LRRC37A3: variants seen among roughly 807,000 people sequenced by gnomAD.
The protein encoded by LRRC37A3 is leucine-rich repeat-containing protein 37A3.
In LRRC37A3, 25 loss-of-function variants were observed where a neutral mutation model predicts 106.2. That is an observed-to-expected ratio of 0.24 (90% CI 0.17 to 0.33). The LOEUF (loss-of-function observed/expected upper bound fraction) is 0.33. Ranked by LOEUF, LRRC37A3 falls within the 10% of genes least tolerant of loss-of-function variation. The pLI, the probability that LRRC37A3 is intolerant of heterozygous loss-of-function variation, is 1.00. For synonymous variants in LRRC37A3, 305 were observed against 635.8 expected (o/e 0.48, Z 7.83); for missense variants, 712 against 1,644.9 (o/e 0.43, Z 9.81).
chr17:64,882,794 T>C (rs1310136251), intron 8 of LRRC37A3, among the ~76,000 whole-genome samples: 5 of 152,190 alleles, frequency 3.3e-5, no homozygotes, highest in Non-Finnish European at 7.3e-5. Flanking sequence ...CTCTTATTCT[T>C]AGTGCTTACA....
At chr17:64,905,030 AATTT>A (rs1170738451) in intron 2 of LRRC37A3, among the ~76,000 whole-genome samples, 356 of 150,960 alleles carry the variant, frequency 2.4e-3, no homozygotes, top group African/African-American at 8.5e-3. Flanking sequence ...TTAATAAATC[AATTT>A]ATTAAATAAA....
intron 2 of LRRC37A3, among the ~76,000 whole-genome samples, chr17:64,916,709 C>T (rs1295894944): frequency 4.0e-5 from 6 of 150,874 alleles, no homozygotes; most frequent in African/African-American, 1.5e-4. Context: ...TGGCTTGAAC[C>T]CAGAAGGTGG....
Position 64,910,230 on chromosome 17 carries a change from GAC to G in LRRC37A3, c.-496+8518_-496+8519del, listed in dbSNP as rs1185374658. Reference sequence around the variant, plus strand: ...TTTGCTGAAATGCTGAGAAATCCTAGACAGTTTTCAAGGCTGGGCTCAAATGT... The same window carrying G: ...TTTGCTGAAATGCTGAGAAATCCTAGAGTTTTCAAGGCTGGGCTCAAATGT... On this transcript the variant is annotated intron_variant, in intron 2 of 14. Coordinates refer to ENST00000584306, the MANE Select transcript of LRRC37A3 (RefSeq NM_199340.5). The G allele has an allele frequency of 4.6e-5, 7 of 152,300 alleles. No individual in the cohort carries two copies. The East Asian group carries it at 1.3e-3, about 29-fold the overall frequency. The allele number at this position is 152,300 out of a possible 1,614,324, so 9.4% of individuals were successfully genotyped here. A position where few individuals can be genotyped will look rare whatever the true frequency, so the allele number is the denominator to read the frequency against.
At position 64,854,163 on chromosome 17, in the gene LRRC37A3, T is replaced by C. The variant is rs981673114; in HGVS notation, c.*436A>G. ...AAAGCAATGTGAATCTTTTGCCATC[T>C]TGTAAGGGTGAAAAGCCCCCTACCA... is the stretch of plus-strand genomic sequence containing the variant. On this transcript the variant is annotated 3_prime_UTR_variant, in exon 15 of 15. Coordinates refer to ENST00000584306, the MANE Select transcript of LRRC37A3 (RefSeq NM_199340.5). The C allele has an allele frequency of 4.4e-6, 1 of 226,798 alleles. No individual in the cohort carries two copies. Among genetic ancestry groups the C allele is most frequent in the Admixed American group, 5.1e-5 (1 of 19,446 alleles). 14.0% of individuals were successfully genotyped at this position (226,798 alleles called of 1,614,324 possible). A position where few individuals can be genotyped will look rare whatever the true frequency, so the allele number is the denominator to read the frequency against.
chr17:64,919,243 C>T (rs1974775976), intron 1 of LRRC37A3, among the ~76,000 whole-genome samples, 188 bp downstream of exon 1: 2 of 152,032 alleles, frequency 1.3e-5, no homozygotes, highest in African/African-American at 4.8e-5. Flanking sequence ...GTCGGCCTGC[C>T]CCGCCGGCCC....
intron 8 of LRRC37A3, chr17:64,881,132 T>A: frequency 1.4e-6 from 1 of 700,898 alleles, no homozygotes; most frequent in Non-Finnish European, 2.6e-6. Context: ...GAGCCACACA[T>A]CTCCCCACAC....
chr17:64,869,105 A>G lies in LRRC37A3; in HGVS notation c.2968T>C (p.Leu990=). 1.2e-6 allele frequency: 2 copies of G among 1,612,136 alleles called. No homozygotes were observed. The highest frequency in any genetic ancestry group is 2.2e-5 in the South Asian group (2 of 90,466). The change falls in exon 9 of 15, where the codon TTA becomes CTA. Residue 990 remains leucine, a synonymous_variant. Coordinates refer to ENST00000584306, the MANE Select transcript of LRRC37A3 (RefSeq NM_199340.5). The part of the protein sequence containing the change: ...EDPYLFKLPA[L]KYLDMGTTLV... ...TACTATAGTACTTACAGATATTTTA[A>G]TGCTGGCAATTTAAAGAGATATGGA...
At chr17:64,882,733 A>G (rs1207964405) in intron 8 of LRRC37A3, among the ~76,000 whole-genome samples, 2 of 151,744 alleles carry the variant, frequency 1.3e-5, no homozygotes, top group African/African-American at 2.4e-5. Context: ...TACCTCACTA[A>G]TATTCTAATA....
chr17:64,858,994 C>T (rs888663939), intron 12 of LRRC37A3, 111 bp from the exon 13 acceptor site: 14 of 777,180 alleles, frequency 1.8e-5, no homozygotes, highest in Non-Finnish European at 2.8e-5. Flanking sequence ...CACTCTGTCA[C>T]CCAGGCTGGG....
chr17:64,915,807 T>C (rs1333346792), intron 2 of LRRC37A3, among the ~76,000 whole-genome samples: 5 of 152,104 alleles, frequency 3.3e-5, no homozygotes, highest in Non-Finnish European at 7.4e-5. Context: ...TACCCAACAG[T>C]AAGAAATTGG....
intron 10 of LRRC37A3, among the ~76,000 whole-genome samples, chr17:64,867,323 G>C (rs1973149476): frequency 6.7e-6 from 1 of 149,538 alleles, no homozygotes; most frequent in African/African-American, 2.5e-5. Context: ...AGCCTCCTGA[G>C]TAGCTGGGAT....
chr17:64,917,270 A>C (rs796723292), intron 2 of LRRC37A3, among the ~76,000 whole-genome samples: 480 of 140,920 alleles, frequency 3.4e-3, no homozygotes, highest in Middle Eastern at 0.017. Context: ...AAAAAAAAAA[A>C]CCTGAAAATA....
chr17:64,918,910 A>C, intron 1 of LRRC37A3, 40 bp from the exon 2 acceptor site: 1 of 648,480 alleles, frequency 1.5e-6, no homozygotes, highest in Non-Finnish European at 2.2e-6. Context: ...GGCAGCGAGC[A>C]CCTGTAGTGA....
At position 64,866,612 on chromosome 17, in the gene LRRC37A3, ATATATATATATATATAT is replaced by A. The variant is rs1278034239; in HGVS notation, c.3053+1833_3053+1849del. Among the ~76,000 whole-genome samples the A allele has an allele frequency of 3.0e-3, 65 of 21,362 alleles. 4 individuals are homozygous for A. In the East Asian group the frequency reaches 0.047, roughly 15 times the overall value. 14.0% of individuals were successfully genotyped at this position (21,362 alleles called of 152,430 possible). Reference sequence around the variant, plus strand: ...TACATATATATATATATATATATATATATATATATATATATATTTTTTTTTTTTTTTTTTTTTAGACA... The same window carrying A: ...TACATATATATATATATATATATATATTTTTTTTTTTTTTTTTTTTAGACA... On this transcript the variant is annotated intron_variant, in intron 10 of 14. Transcript: ENST00000584306.
chr17:64,916,613 TAAAAAAAAA>T (rs3972255), intron 2 of LRRC37A3, among the ~76,000 whole-genome samples: 1 of 96,876 alleles, frequency 1.0e-5, no homozygotes, highest in African/African-American at 4.0e-5. Context: ...CCATCTCTAT[TAAAAAAAAA>T]AAAAAAAAAA....
intron 2 of LRRC37A3, among the ~76,000 whole-genome samples, chr17:64,913,116 C>T (rs1299955260): frequency 6.6e-6 from 1 of 151,270 alleles, no homozygotes; most frequent in Non-Finnish European, 1.5e-5. Flanking sequence ...GCAACCTCTG[C>T]CTCCCGGCTT....
At chr17:64,905,058 AAATC>A (rs1397619606) in intron 2 of LRRC37A3, among the ~76,000 whole-genome samples, 4 of 150,816 alleles carry the variant, frequency 2.7e-5, no homozygotes, top group Admixed American at 6.6e-5. Flanking sequence ...ATTAATTAAT[AAATC>A]AATGTATTAA....
intron 2 of LRRC37A3, among the ~76,000 whole-genome samples, chr17:64,910,426 A>G (rs1185566005): frequency 1.3e-5 from 2 of 152,300 alleles, no homozygotes; most frequent in African/African-American, 4.8e-5. Flanking sequence ...TGTAGCAACT[A>G]AAACAATTAT....
In LRRC37A3 at chr17:64,860,471, C is replaced by A. The variant is rs745879227; in HGVS notation, c.3675G>T (p.Lys1225Asn). 1.2e-6 allele frequency: 2 copies of A among 1,613,440 alleles called. No homozygotes were observed. The highest frequency in any genetic ancestry group is 2.2e-5 in the East Asian group (1 of 44,882). Residue 1225 changes from lysine to asparagine, a missense_variant, in exon 12 of 15, where the codon AAG becomes AAT. By Grantham distance (94) the Lys-to-Asn change is moderately conservative. Transcript: ENST00000584306. Reference sequence around the variant, plus strand: ...TGGTGTAGACGGCGTTTCCCGCTAACTTCTCAGGCCCCTGCTGTGTGTGAG... The same window carrying A: ...TGGTGTAGACGGCGTTTCCCGCTAAATTCTCAGGCCCCTGCTGTGTGTGAG... Reference protein sequence around the residue: ...KQPHTQQGPEKLAGNAVYTKP... With the variant: ...KQPHTQQGPENLAGNAVYTKP...
Sources: gnomAD v4.1 joint callset for allele counts (sites outside exome capture counted in the v4.1 genomes callset) on GRCh38, gnomAD v4.1.1 for gene constraint, MANE v1.5 for transcripts, NCBI Gene and HGNC (gene_info 2026-07-23, HGNC 2026-07-21) for gene names.